The following MICAL2 variants were observed in gnomAD, a reference collection of about 807,000 sequenced individuals.
MICAL2 encodes microtubule associated monooxygenase, calponin and LIM domain containing 2, also known as [F-actin]-monooxygenase MICAL2.
A neutral mutation model predicts 127.3 loss-of-function variants in MICAL2; 77 were observed. The observed-to-expected ratio is 0.60, with a 90% CI of 0.50 to 0.73. The LOEUF is 0.73. Among genes scored for constraint, MICAL2 ranks in the 30% least tolerant of loss-of-function variants. MICAL2 has a pLI of 0.00. For synonymous variants in MICAL2, 570 were observed against 551.1 expected (o/e 1.03, Z -0.48); for missense variants, 1,351 against 1,434.4 (o/e 0.94, Z 0.94).
chr11:12,362,008 G>C (rs8745), downstream of MICAL2, among the ~76,000 whole-genome samples: 112,147 of 152,222 alleles, frequency 0.74, 46,319 homozygotes, highest in East Asian at 0.94. Flanking sequence ...CCTCACTGCT[G>C]AGTAGCTTGT....
chr11:12,206,244 G>A (rs1239878898), intron 4 of MICAL2, among the ~76,000 whole-genome samples: 1 of 152,206 alleles, frequency 6.6e-6, no homozygotes, highest in Non-Finnish European at 1.5e-5. Flanking sequence ...GCCTTGTGGG[G>A]CCCTGGGCTG....
At chr11:12,201,713 G>A (rs1224605796) in intron 3 of MICAL2, among the ~76,000 whole-genome samples, 1 of 152,226 alleles carries the variant, frequency 6.6e-6, no homozygotes, top group Non-Finnish European at 1.5e-5. Flanking sequence ...TCAGCATGCA[G>A]TGTCCATTGA....
intron 15 of MICAL2, 26 bp downstream of exon 15, chr11:12,227,157 T>G (rs1416811602): frequency 1.3e-6 from 2 of 1,497,808 alleles, no homozygotes; most frequent in African/African-American, 1.4e-5. Flanking sequence ...GTTTCGGTTT[T>G]ATTTCCCATT....
At chr11:12,135,237 A>T (rs1851745110) in intron 1 of MICAL2, among the ~76,000 whole-genome samples, 1 of 152,202 alleles carries the variant, frequency 6.6e-6, no homozygotes, top group South Asian at 2.1e-4. Flanking sequence ...ATTAATAATT[A>T]AGTATAATGC....
At chr11:12,204,791 G>A (rs1854463189) in intron 4 of MICAL2, among the ~76,000 whole-genome samples, 1 of 152,212 alleles carries the variant, frequency 6.6e-6, no homozygotes, top group Non-Finnish European at 1.5e-5. Flanking sequence ...AGAGGCAGAG[G>A]TAAATAGCAT....
chr11:12,286,276 G>T (rs945492304), intron 2 of MICAL2, among the ~76,000 whole-genome samples: 5 of 152,286 alleles, frequency 3.3e-5, no homozygotes, highest in Non-Finnish European at 7.4e-5. Flanking sequence ...GGGGCTCTGT[G>T]GGGAAAGGGG....
chr11:12,269,828 A>G (rs1473113812), intron 24 of MICAL2, among the ~76,000 whole-genome samples: 3 of 152,204 alleles, frequency 2.0e-5, no homozygotes, highest in Non-Finnish European at 4.4e-5. Flanking sequence ...GTCCGTGTGT[A>G]TCTGCACACC....
At chr11:12,352,392 T>C (rs1399093413) in intron 33 of MICAL2, among the ~76,000 whole-genome samples, 1 of 152,158 alleles carries the variant, frequency 6.6e-6, no homozygotes, top group Non-Finnish European at 1.5e-5. Flanking sequence ...AGCACAGTAG[T>C]GATAAGAAAA....
Position 12,327,371 on chromosome 11 carries a change from C to T in MICAL2, c.5515+105C>T. On this transcript the variant is annotated intron_variant, in intron 32 of 34. Transcript: ENST00000646065. Reference sequence around the variant, plus strand: ...TTGTCACCTGCTGGAGATCTGTCAGCATGGACATATGGTGGTAAATCCACA... The same window carrying T: ...TTGTCACCTGCTGGAGATCTGTCAGTATGGACATATGGTGGTAAATCCACA... The T allele has an allele frequency of 4.4e-6, 4 of 906,260 alleles. No individual in the cohort carries two copies. In the South Asian group the frequency reaches 5.1e-5, roughly 12 times the overall value. The allele number at this position is 906,260 out of a possible 1,614,324, so 56.1% of individuals were successfully genotyped here. A position where few individuals can be genotyped will look rare whatever the true frequency, so the allele number is the denominator to read the frequency against.
chr11:12,229,774 C>T (rs1351861144), intron 15 of MICAL2, among the ~76,000 whole-genome samples: 1 of 152,244 alleles, frequency 6.6e-6, no homozygotes, highest in Admixed American at 6.5e-5. Flanking sequence ...CTAGAAAATG[C>T]TTGTGGTAGA....
chr11:12,325,785 G>C (rs1226415827), intron 31 of MICAL2, among the ~76,000 whole-genome samples: 1 of 152,158 alleles, frequency 6.6e-6, no homozygotes, highest in Non-Finnish European at 1.5e-5. Flanking sequence ...CTGGGGGTTA[G>C]GGCTTCAACA....
rs529703025 is a variant in MICAL2, at chr11:12,261,921, G to C, written c.3335-559G>C. The C allele has an allele frequency of 2.7e-5, 27 of 986,932 alleles. No individual in the cohort carries two copies. In the East Asian group the frequency reaches 2.0e-3, roughly 75 times the overall value. 61.1% of individuals were successfully genotyped at this position (986,932 alleles called of 1,614,324 possible). On this transcript the variant is annotated intron_variant, in intron 26 of 27. Transcript: ENST00000683283. Reference sequence around the variant, plus strand: ...ATAGAAAGTAAATTTTTGAGGTCATGATGTGAACGGCCATGTTATTGTGAT... The same window carrying C: ...ATAGAAAGTAAATTTTTGAGGTCATCATGTGAACGGCCATGTTATTGTGAT...
At chr11:12,252,653 G>A (rs1489545795) in intron 22 of MICAL2, 1 of 152,282 alleles carries the variant, frequency 6.6e-6, no homozygotes, top group Non-Finnish European at 1.5e-5. Context: ...AAGCCAGTGA[G>A]TTAGCCTTAG....
At chr11:12,149,836 G>C (rs940033673) in intron 2 of MICAL2, among the ~76,000 whole-genome samples, 1 of 152,144 alleles carries the variant, frequency 6.6e-6, no homozygotes, top group African/African-American at 2.4e-5. Flanking sequence ...GTACAGCCTG[G>C]GGAGTCATGA....
At chr11:12,338,967 C>T in intron 32 of MICAL2, among the ~76,000 whole-genome samples, 1 of 152,128 alleles carries the variant, frequency 6.6e-6, no homozygotes, top group Non-Finnish European at 1.5e-5. Flanking sequence ...ATCTTTGCGG[C>T]ATTCTCTGTA....
chr11:12,240,633 C>T (rs1565228656), intron 17 of MICAL2, among the ~76,000 whole-genome samples: 1 of 152,184 alleles, frequency 6.6e-6, no homozygotes, highest in Non-Finnish European at 1.5e-5. Context: ...GGCTCCATTC[C>T]ATCAGAAGCA....
chr11:12,118,172 A>T (rs1488567858), intron 1 of MICAL2, among the ~76,000 whole-genome samples: 1 of 152,216 alleles, frequency 6.6e-6, no homozygotes, highest in Non-Finnish European at 1.5e-5. Flanking sequence ...CTTTCTTAAA[A>T]GTGACTTACC....
intron 32 of MICAL2, among the ~76,000 whole-genome samples, chr11:12,346,153 G>A (rs10831797): frequency 0.38 from 57,182 of 152,046 alleles, 12,583 homozygotes; most frequent in Non-Finnish European, 0.51. Context: ...GAGCTCCTTC[G>A]TCCCATGGAT....
chr11:12,152,391 T>C (rs1853696397), intron 2 of MICAL2, among the ~76,000 whole-genome samples: 1 of 151,802 alleles, frequency 6.6e-6, no homozygotes. Flanking sequence ...ACAGTAGTGC[T>C]TGTGTGCCTG....
Sources: allele counts gnomAD v4.1 joint callset (sites outside exome capture counted in the v4.1 genomes callset), GRCh38; gene constraint gnomAD v4.1.1; transcripts MANE v1.5; gene names NCBI Gene and HGNC (gene_info 2026-07-23, HGNC 2026-07-21).